The following ARK2C variants were observed in gnomAD, a reference collection of about 807,000 sequenced individuals.
ARK2C encodes E3 ubiquitin-protein ligase ARK2C.
chr18:46,454,210 A>T, the ARK2C span, among the ~76,000 whole-genome samples: 1 of 152,018 alleles, frequency 6.6e-6, no homozygotes, highest in Non-Finnish European at 1.5e-5. Flanking sequence ...TTAAGCTAAA[A>T]TTTTTAACTA....
chr18:46,399,797 T>C, the ARK2C span, among the ~76,000 whole-genome samples: 2 of 152,302 alleles, frequency 1.3e-5, no homozygotes, highest in East Asian at 3.9e-4. Context: ...GCCATCCTCC[T>C]CCCCTCACCA....
chr18:46,437,088 G>A, the ARK2C span, among the ~76,000 whole-genome samples: 2 of 152,110 alleles, frequency 1.3e-5, no homozygotes, highest in African/African-American at 4.8e-5. Flanking sequence ...CTGCATTCCT[G>A]ACCACTACCT....
the ARK2C span, among the ~76,000 whole-genome samples, chr18:46,401,811 G>C: frequency 2.0e-5 from 3 of 152,226 alleles, no homozygotes; most frequent in African/African-American, 7.2e-5. Context: ...TTTCCAAATA[G>C]GGTAGGAAGG....
chr18:46,367,863 T>C, the ARK2C span, among the ~76,000 whole-genome samples: 3 of 152,364 alleles, frequency 2.0e-5, no homozygotes, highest in South Asian at 2.1e-4. Flanking sequence ...TGGATATTCA[T>C]TGCAGTTGGT....
chr18:46,452,803 G>A, the ARK2C span, among the ~76,000 whole-genome samples: 1 of 152,132 alleles, frequency 6.6e-6, no homozygotes, highest in Admixed American at 6.5e-5. Flanking sequence ...TTGGTCGAGA[G>A]CACTCTTAGA....
chr18:46,409,913 T>C, the ARK2C span, among the ~76,000 whole-genome samples: 1 of 152,228 alleles, frequency 6.6e-6, no homozygotes, highest in African/African-American at 2.4e-5. Context: ...ACATTTTGTT[T>C]GTGTATCTGC....
chr18:46,452,130 C>T, the ARK2C span, among the ~76,000 whole-genome samples: 12 of 152,048 alleles, frequency 7.9e-5, no homozygotes, highest in Non-Finnish European at 1.2e-4. Context: ...CAGAGCAAAC[C>T]CTAATGTAAA....
At chr18:46,439,419 C>T in the ARK2C span, among the ~76,000 whole-genome samples, 3 of 152,154 alleles carry the variant, frequency 2.0e-5, no homozygotes, top group Non-Finnish European at 4.4e-5. Context: ...CCTGCCATCT[C>T]GCTCCTGTAG....
chr18:46,336,133 T>C, the ARK2C span: 8 of 985,322 alleles, frequency 8.1e-6, no homozygotes, highest in Non-Finnish European at 8.4e-6. Flanking sequence ...CAATACACAA[T>C]TATCTCTTAT....
the ARK2C span, among the ~76,000 whole-genome samples, chr18:46,429,463 CTATT>C: frequency 6.6e-6 from 1 of 152,146 alleles, no homozygotes; most frequent in East Asian, 1.9e-4. Flanking sequence ...GATTAGATTT[CTATT>C]TGTCTATTTT....
At chr18:46,424,861 A>G in the ARK2C span, among the ~76,000 whole-genome samples, 423 of 152,314 alleles carry the variant, frequency 2.8e-3, 5 homozygotes, top group Non-Finnish European at 4.6e-3. Flanking sequence ...CTTGGTAGTG[A>G]TGCCTTCCTC....
At chr18:46,353,164 A>G in the ARK2C span, among the ~76,000 whole-genome samples, 1 of 152,244 alleles carries the variant, frequency 6.6e-6, no homozygotes, top group Non-Finnish European at 1.5e-5. Context: ...CCAAAAGACT[A>G]TAGTAGAATG....
the ARK2C span, among the ~76,000 whole-genome samples, chr18:46,415,584 C>T: frequency 6.6e-6 from 1 of 151,680 alleles, no homozygotes; most frequent in South Asian, 2.1e-4. Flanking sequence ...GAAGGAGCCC[C>T]CTCCCTGGTG....
At chr18:46,395,859 A>G in the ARK2C span, among the ~76,000 whole-genome samples, 1 of 152,106 alleles carries the variant, frequency 6.6e-6, no homozygotes, top group South Asian at 2.1e-4. Flanking sequence ...GAGAACCACA[A>G]TCACTTATTA....
At chr18:46,356,046 C>G in the ARK2C span, among the ~76,000 whole-genome samples, 1 of 152,214 alleles carries the variant, frequency 6.6e-6, no homozygotes, top group Non-Finnish European at 1.5e-5. Context: ...CCAGGACGAA[C>G]TTGGCTCCAT....
chr18:46,342,520 C>A, the ARK2C span, among the ~76,000 whole-genome samples: 1 of 152,204 alleles, frequency 6.6e-6, no homozygotes, highest in Admixed American at 6.5e-5. Flanking sequence ...AGAAACTCTC[C>A]AGAGTGGGAA....
the ARK2C span, among the ~76,000 whole-genome samples, chr18:46,376,664 CTTTTT>C: frequency 1.7e-4 from 12 of 72,260 alleles, no homozygotes; most frequent in African/African-American, 6.3e-4. Context: ...GGTTAATAAT[CTTTTT>C]TTTTTTTTTT....
the ARK2C span, among the ~76,000 whole-genome samples, chr18:46,430,424 G>C: frequency 6.6e-6 from 1 of 152,148 alleles, no homozygotes; most frequent in Non-Finnish European, 1.5e-5. Context: ...CACTTCACAG[G>C]GAGATGTCTT....
At chr18:46,417,416 C>A in the ARK2C span, among the ~76,000 whole-genome samples, 7 of 152,232 alleles carry the variant, frequency 4.6e-5, no homozygotes, top group Non-Finnish European at 8.8e-5. Flanking sequence ...TCAAGCCTCC[C>A]GAAGTTTCTC....
Sources: allele counts gnomAD v4.1 joint callset (sites outside exome capture counted in the v4.1 genomes callset), GRCh38; gene constraint gnomAD v4.1.1; transcripts MANE v1.5; gene names NCBI Gene and HGNC (gene_info 2026-07-23, HGNC 2026-07-21).